TMTC1: variants seen among roughly 807,000 people sequenced by gnomAD.
TMTC1 encodes the protein transmembrane O-mannosyltransferase targeting cadherins 1, also known as protein O-mannosyl-transferase TMTC1.
A neutral mutation model predicts 104.8 loss-of-function variants in TMTC1; 73 were observed. The observed-to-expected ratio is 0.70, with a 90% CI of 0.58 to 0.85. The LOEUF (loss-of-function observed/expected upper bound fraction) is 0.85. Among genes scored for constraint, TMTC1 ranks in the 40% least tolerant of loss-of-function variants. The pLI is 0.00. For synonymous variants in TMTC1, 434 were observed against 428.7 expected, an observed-to-expected ratio of 1.01 and a Z score of -0.15; for missense variants, 1,035 against 1,096.1, an observed-to-expected ratio of 0.94 and a Z score of 0.79.
At chr12:29,759,289 A>G (rs1943289312) in intron 2 of TMTC1, among the ~76,000 whole-genome samples, 1 of 152,166 alleles carries the variant, frequency 6.6e-6, no homozygotes, top group Admixed American at 6.5e-5. Flanking sequence ...TGAGTTAACG[A>G]GTTCAAGACC....
intron 5 of TMTC1, among the ~76,000 whole-genome samples, chr12:29,639,478 A>G (rs1309299473): frequency 1.3e-5 from 2 of 152,236 alleles, no homozygotes; most frequent in African/African-American, 4.8e-5. Context: ...AGTCTAAAAT[A>G]AAATATCATG....
intron 6 of TMTC1, among the ~76,000 whole-genome samples, chr12:29,620,374 C>T (rs911359849): frequency 3.3e-5 from 5 of 152,160 alleles, no homozygotes; most frequent in Non-Finnish European, 7.3e-5. Flanking sequence ...ATCTGGGCAA[C>T]ACAACTCAAC....
intron 2 of TMTC1, among the ~76,000 whole-genome samples, chr12:29,767,399 T>C (rs1381078349): frequency 2.0e-5 from 3 of 152,208 alleles, no homozygotes; most frequent in Admixed American, 6.5e-5. Context: ...CCCCAGCACT[T>C]ACAGTTCTGC....
chr12:29,512,780 A>G (rs1288786559), intron 16 of TMTC1, among the ~76,000 whole-genome samples: 1 of 152,202 alleles, frequency 6.6e-6, no homozygotes, highest in Non-Finnish European at 1.5e-5. Flanking sequence ...TGTGTGGTAT[A>G]TTTTTAACAT....
intron 6 of TMTC1, among the ~76,000 whole-genome samples, chr12:29,613,078 T>C (rs1946886734): frequency 6.6e-6 from 1 of 152,204 alleles, no homozygotes. Context: ...CCACTGTTTA[T>C]GATGAATTTT....
chr12:29,755,647 A>G (rs1592015965), intron 4 of TMTC1, 62 bp downstream of exon 4: 1 of 1,427,724 alleles, frequency 7.0e-7, no homozygotes, highest in African/African-American at 1.4e-5. Flanking sequence ...TTTGGAAACT[A>G]TTAAGTAATT....
chr12:29,635,342 A>G (rs936717120), intron 5 of TMTC1, among the ~76,000 whole-genome samples: 1 of 152,190 alleles, frequency 6.6e-6, no homozygotes, highest in Non-Finnish European at 1.5e-5. Context: ...TCAGCCCACT[A>G]AAGGTTCTCT....
At chr12:29,717,314 T>C (rs1942112333) in intron 5 of TMTC1, among the ~76,000 whole-genome samples, 1 of 152,108 alleles carries the variant, frequency 6.6e-6, no homozygotes, top group Non-Finnish European at 1.5e-5. Context: ...TGGACCAAAA[T>C]GTTTAAAGAG....
chr12:29,600,006 A>AT (rs1334824731), intron 7 of TMTC1, among the ~76,000 whole-genome samples: 37 of 102,328 alleles, frequency 3.6e-4, no homozygotes, highest in African/African-American at 9.5e-4. Flanking sequence ...ATATATATAT[A>AT]TATTTTTTTT....
chr12:29,702,350 G>A (rs1026450277), intron 5 of TMTC1, among the ~76,000 whole-genome samples: 1 of 152,094 alleles, frequency 6.6e-6, no homozygotes, highest in Non-Finnish European at 1.5e-5. Context: ...AACTTGTCGG[G>A]CTCAGATGGG....
chr12:29,631,263 C>T (rs144570686), intron 6 of TMTC1, among the ~76,000 whole-genome samples: 107 of 152,196 alleles, frequency 7.0e-4, no homozygotes, highest in African/African-American at 2.5e-3. Context: ...TTGATGATGT[C>T]CAATTTATCA....
At chr12:29,633,592 A>G (rs970501214) in intron 5 of TMTC1, among the ~76,000 whole-genome samples, 1 of 152,214 alleles carries the variant, frequency 6.6e-6, no homozygotes, top group Admixed American at 6.5e-5. Flanking sequence ...TTTCCATGAC[A>G]TATATTTTAA....
intron 5 of TMTC1, among the ~76,000 whole-genome samples, chr12:29,683,843 T>C (rs1022189686): frequency 1.4e-5 from 2 of 140,562 alleles, no homozygotes; most frequent in African/African-American, 2.6e-5. Context: ...CTATTTCCTA[T>C]CATTTTTTTT....
intron 5 of TMTC1, among the ~76,000 whole-genome samples, chr12:29,707,207 G>A (rs953647494): frequency 1.3e-5 from 2 of 152,144 alleles, no homozygotes; most frequent in African/African-American, 4.8e-5. Flanking sequence ...GCTCACTCAA[G>A]CCCCTTCCTT....
chr12:29,632,459 T>C (rs953941247), intron 6 of TMTC1, among the ~76,000 whole-genome samples: 1 of 152,152 alleles, frequency 6.6e-6, no homozygotes, highest in African/African-American at 2.4e-5. Context: ...TCTCACTAGA[T>C]ATAATGGTTT....
rs149909607 is a variant in TMTC1 at position 29,671,528 on chromosome 12, G to A, written c.939-38192C>T. 3.6e-3 allele frequency among the ~76,000 whole-genome samples: 553 copies of A among 152,244 alleles called. 5 individuals are homozygous for A. Among genetic ancestry groups the A allele is most frequent in the African/African-American group, 0.013 (537 of 41,544 alleles). The stretch of plus-strand genomic sequence containing the variant: ...TGTATTGAGTGCATACTGTGCGACA[G>A]ACACTGTTCTAAACACGCTAATTCT... On this transcript the variant is annotated intron_variant, in intron 5 of 17. Transcript: ENST00000539277.
intron 11 of TMTC1, chr12:29,532,552 C>A (rs1944533507): frequency 6.6e-6 from 1 of 151,344 alleles, no homozygotes; most frequent in South Asian, 2.1e-4. Context: ...CATTTAGCAC[C>A]ATGAAAAAAC....
chr12:29,576,302 G>A (rs1179522218), intron 8 of TMTC1, among the ~76,000 whole-genome samples: 1 of 152,090 alleles, frequency 6.6e-6, no homozygotes, highest in Non-Finnish European at 1.5e-5. Flanking sequence ...CGCTCTTAGT[G>A]TTGTATCAAA....
intron 8 of TMTC1, among the ~76,000 whole-genome samples, chr12:29,580,434 G>A (rs555787821): frequency 1.8e-4 from 27 of 152,286 alleles, no homozygotes; most frequent in Non-Finnish European, 3.1e-4. Context: ...GGCCTCAGCT[G>A]GAAAGGCTGG....
Sources: gnomAD v4.1 joint callset for allele counts (sites outside exome capture counted in the v4.1 genomes callset) on GRCh38, gnomAD v4.1.1 for gene constraint, MANE v1.5 for transcripts, NCBI Gene and HGNC (gene_info 2026-07-23, HGNC 2026-07-21) for gene names.